The following CCDC66 variants were observed in gnomAD, a reference collection of about 807,000 sequenced individuals.
CCDC66 encodes coiled-coil domain containing 66, also known as coiled-coil domain-containing protein 66.
CCDC66 carries 133 observed loss-of-function variants against 128.3 expected under a neutral mutation model. The ratio of observed to expected loss-of-function variants is 1.04; its 90% CI spans 0.90 to 1.20. The LOEUF (loss-of-function observed/expected upper bound fraction) is 1.20, where lower values mean the gene tolerates loss of function less well. CCDC66 is among the 50% of genes most tolerant of loss of function. The pLI, the probability that CCDC66 is intolerant of heterozygous loss-of-function variation, is 0.00. For missense variants in CCDC66, 1,126 were observed against 1,075.5 expected, an observed-to-expected ratio of 1.05 and a Z score of -0.66; for synonymous variants, 387 against 357.0, an observed-to-expected ratio of 1.08 and a Z score of -0.95.
chr3:56,619,152 C>A, intron 15 of CCDC66, 119 bp from the exon 16 acceptor site: 4 of 811,950 alleles, frequency 4.9e-6, no homozygotes, highest in Non-Finnish European at 7.5e-6. Flanking sequence ...TGAGATCGCG[C>A]CACTGCACTC....
chr3:56,557,966 C>T (rs1187789340), intron 1 of CCDC66: 1 of 152,094 alleles, frequency 6.6e-6, no homozygotes, highest in Non-Finnish European at 1.5e-5. Flanking sequence ...AGGTACTTTA[C>T]CATTGAAGCT....
Position 56,563,701 on chromosome 3 carries a change from G to A in CCDC66, c.120G>A (p.Lys40=). 1 of 1,549,488 alleles carries A rather than the reference G, an allele frequency of 6.5e-7. No individual in the cohort carries two copies. Among genetic ancestry groups the A allele is most frequent in the South Asian group, 1.2e-5 (1 of 83,768 alleles). Reference sequence around the variant, plus strand: ...TTTAACAGATGGGAAATAAGGCCAAGATTGCAAAATGTCCTTTAAGAACAA... The same window carrying A: ...TTTAACAGATGGGAAATAAGGCCAAAATTGCAAAATGTCCTTTAAGAACAA... ...KISVKMGNKA[K]IAKCPLRTKT... is the part of the protein sequence containing the mutation. Residue 40 remains lysine, a synonymous_variant, in exon 4 of 18, where the codon AAG becomes AAA. Transcript: ENST00000394672.
chr3:56,564,126 G>A lies in CCDC66; in HGVS notation c.544+1G>A, dbSNP rs749019281. 6.3e-7 allele frequency: 1 copy of A among 1,580,368 alleles called. No homozygotes were observed. Among genetic ancestry groups the A allele is most frequent in the Admixed American group, 1.9e-5 (1 of 51,774 alleles). On this transcript the variant is annotated splice_donor_variant, in intron 4 of 17. Transcript: ENST00000394672. LOFTEE classifies it high-confidence loss of function. ...ACTGAGAATGGAAAGGAGGCAAAAAGTAAGATTTTTCTAAAGTTTTCATGA... is the reference window on the plus strand; with the variant it reads ...ACTGAGAATGGAAAGGAGGCAAAAAATAAGATTTTTCTAAAGTTTTCATGA...
At chr3:56,597,777 G>GTTTTGT (rs1553696357) in intron 10 of CCDC66, among the ~76,000 whole-genome samples, 3 of 87,916 alleles carry the variant, frequency 3.4e-5, no homozygotes, top group Non-Finnish European at 6.2e-5. Flanking sequence ...TTGTTTTGGG[G>GTTTTGT]TTTTTTTTTT....
intron 10 of CCDC66, among the ~76,000 whole-genome samples, chr3:56,596,667 C>G (rs1179401998): frequency 6.6e-6 from 1 of 151,440 alleles, no homozygotes; most frequent in East Asian, 1.9e-4. Context: ...ACCACAAACT[C>G]TATACCAGTG....
chr3:56,585,867 A>G (rs2069604486), intron 7 of CCDC66, among the ~76,000 whole-genome samples: 1 of 151,956 alleles, frequency 6.6e-6, no homozygotes, highest in African/African-American at 2.4e-5. Context: ...GATCAGAAAA[A>G]TGGGTCAAAA....
At position 56,559,590 on chromosome 3, in the gene CCDC66, T is replaced by C; in HGVS notation, c.98T>C (p.Val33Ala). The C allele has an allele frequency of 6.5e-7, 1 of 1,536,882 alleles. No individual in the cohort carries two copies. Among genetic ancestry groups the C allele is most frequent in the Non-Finnish European group, 8.8e-7 (1 of 1,140,322 alleles). ...SPYEHKSKIS[V>A]KMGNKAKIAK... ...GTAGAACATAAATCAAAAATTTCTG[T>C]GAAGGTAAGCCGTATAACTTTGACC... is the stretch of plus-strand genomic sequence containing the variant. Residue 33 changes from valine to alanine, a missense_variant, in exon 3 of 18, where the codon GTG becomes GCG. Transcript: ENST00000394672.
At chr3:56,577,252 C>G (rs921753753) in intron 7 of CCDC66, among the ~76,000 whole-genome samples, 1 of 151,748 alleles carries the variant, frequency 6.6e-6, no homozygotes, top group African/African-American at 2.4e-5. Context: ...ATCCTTTGCC[C>G]ACTTTTTGAT....
chr3:56,614,922 T>C (rs1171625148), intron 11 of CCDC66, among the ~76,000 whole-genome samples: 1 of 152,248 alleles, frequency 6.6e-6, no homozygotes, highest in African/African-American at 2.4e-5. Context: ...AAAAGAGTTA[T>C]ATTTGTGATT....
chr3:56,584,728 G>A (rs1325350360), intron 7 of CCDC66, among the ~76,000 whole-genome samples: 1 of 151,910 alleles, frequency 6.6e-6, no homozygotes. Context: ...CACTTTGGGA[G>A]GCCAAGGCAG....
rs1318790411 is a variant in CCDC66 at position 56,615,988 on chromosome 3, T to C, written c.1778T>C (p.Ile593Thr). ...ISNSRHDSDE[I>T]SGKMNTYMNS... ...AATTCAAGACATGATTCTGATGAAA[T>C]CAGTGGTAAAATGAATACATATATG... The change falls in exon 13 of 18, where the codon ATC (isoleucine) becomes ACC (threonine). Residue 593 changes from isoleucine (I) to threonine (T), a missense_variant. Ile to Thr is a moderately conservative substitution (Grantham distance 89). Transcript: ENST00000394672. 2 of 1,596,884 alleles carry C rather than the reference T, an allele frequency of 1.3e-6. No individual in the cohort carries two copies. Among genetic ancestry groups the C allele is most frequent in the Non-Finnish European group, 1.7e-6 (2 of 1,171,090 alleles).
At chr3:56,560,483 C>A (rs1395333205) in intron 3 of CCDC66, among the ~76,000 whole-genome samples, 1 of 152,226 alleles carries the variant, frequency 6.6e-6, no homozygotes, top group Non-Finnish European at 1.5e-5. Flanking sequence ...GTAATCCCAG[C>A]ACTTTGGGAG....
intron 7 of CCDC66, among the ~76,000 whole-genome samples, chr3:56,588,835 A>G (rs2070319455): frequency 6.6e-6 from 1 of 152,236 alleles, no homozygotes; most frequent in Non-Finnish European, 1.5e-5. Flanking sequence ...CTGAGTGATA[A>G]TGAAAATATT....
At chr3:56,610,171 G>A (rs960408942) in intron 10 of CCDC66, among the ~76,000 whole-genome samples, 19 of 152,254 alleles carry the variant, frequency 1.2e-4, no homozygotes, top group African/African-American at 4.6e-4. Context: ...AATATGTTTT[G>A]CAAGCTTTTA....
chr3:56,621,642 A>G lies in CCDC66; in HGVS notation c.*24A>G. 12 of 1,510,514 alleles carry G rather than the reference A, an allele frequency of 7.9e-6. No homozygotes were observed. The highest frequency in any genetic ancestry group is 1.1e-5 in the Non-Finnish European group (12 of 1,098,530). 93.6% of individuals were successfully genotyped at this position (1,510,514 alleles called of 1,614,324 possible). A position where few individuals can be genotyped will look rare whatever the true frequency, so the allele number is the denominator to read the frequency against. ...AAATGTAGAAAATCAAATCCTTCAC[A>G]TTTGATTTGTGTCTTCCAAATTATA... On this transcript the variant is annotated 3_prime_UTR_variant, in exon 18 of 18. Transcript: ENST00000394672.
Position 56,615,118 on chromosome 3 carries a change from A to C in CCDC66, c.1567-10A>C. ...AATAGATGAATTTAGTAACACATCAATATTGACAGGAAATCATGACTCTCA... is the reference window on the plus strand; with the variant it reads ...AATAGATGAATTTAGTAACACATCACTATTGACAGGAAATCATGACTCTCA... On this transcript the variant is annotated splice_polypyrimidine_tract_variant and intron_variant, in intron 11 of 17. Coordinates refer to ENST00000394672, the MANE Select transcript of CCDC66 (RefSeq NM_001141947.3). 1 of 1,612,680 alleles carries C rather than the reference A, an allele frequency of 6.2e-7. No individual in the cohort carries two copies. The highest frequency in any genetic ancestry group is 8.5e-7 in the Non-Finnish European group (1 of 1,179,464).
chr3:56,557,595 A>G (rs1577161257), intron 1 of CCDC66: 1 of 352,254 alleles, frequency 2.8e-6, no homozygotes, highest in Non-Finnish European at 5.2e-6. Flanking sequence ...GCTCCTGGGG[A>G]GGACTCCTGG....
At chr3:56,570,081 C>T (rs2066425475) in intron 6 of CCDC66, 1 of 152,230 alleles carries the variant, frequency 6.6e-6, no homozygotes, top group South Asian at 2.1e-4. Context: ...GGTGATCCGC[C>T]TGCCTTGGCC....
chr3:56,619,632 A>G, intron 16 of CCDC66, 105 bp downstream of exon 16: 1 of 1,490,458 alleles, frequency 6.7e-7, no homozygotes, highest in Non-Finnish European at 9.0e-7. Context: ...AGTTCTATAA[A>G]GTTTCTTGAA....
Sources: allele counts gnomAD v4.1 joint callset (sites outside exome capture counted in the v4.1 genomes callset), GRCh38; gene constraint gnomAD v4.1.1; transcripts MANE v1.5; gene names NCBI Gene and HGNC (gene_info 2026-07-23, HGNC 2026-07-21).